Variants in DLG1 observed in about 807,000 individuals in gnomAD.
The protein encoded by DLG1 is disks large homolog 1.
Under a neutral mutation model 123.4 loss-of-function variants are expected in DLG1, and 42 were observed. The ratio of observed to expected loss-of-function variants is 0.34; its 90% CI spans 0.27 to 0.44. The LOEUF (loss-of-function observed/expected upper bound fraction) is 0.44. Ranked by LOEUF, DLG1 falls within the 20% of genes least tolerant of loss-of-function variation. DLG1 has a pLI of 1.00. For synonymous variants in DLG1, 317 were observed against 356.2 expected, an observed-to-expected ratio of 0.89 and a Z score of 1.24; for missense variants, 942 against 1,082.6, an observed-to-expected ratio of 0.87 and a Z score of 1.82.
At chr3:197,050,349 A>G (rs920845953) in intron 24 of DLG1, among the ~76,000 whole-genome samples, 1 of 150,718 alleles carries the variant, frequency 6.6e-6, no homozygotes, top group Non-Finnish European at 1.5e-5. Context: ...CCTGGGCGAC[A>G]GAGCCAGACT....
At chr3:197,206,852 A>T (rs1252819625) in intron 4 of DLG1, among the ~76,000 whole-genome samples, 3 of 152,160 alleles carry the variant, frequency 2.0e-5, no homozygotes, top group Non-Finnish European at 4.4e-5. Flanking sequence ...ATAAAAATAA[A>T]GAACGATATA....
At chr3:197,059,193 G>A (rs1322985383) in intron 23 of DLG1, among the ~76,000 whole-genome samples, 1 of 152,164 alleles carries the variant, frequency 6.6e-6, no homozygotes, top group Non-Finnish European at 1.5e-5. Context: ...CCAAAGTGGT[G>A]GGATTACAGA....
At chr3:197,184,586 G>A (rs188044056) in intron 5 of DLG1, among the ~76,000 whole-genome samples, 5 of 152,178 alleles carry the variant, frequency 3.3e-5, no homozygotes, top group African/African-American at 9.6e-5. Flanking sequence ...TTAACAACTG[G>A]GTCTCAAGGT....
chr3:197,135,020 T>A (rs909161981), intron 10 of DLG1, among the ~76,000 whole-genome samples: 1 of 152,228 alleles, frequency 6.6e-6, no homozygotes, highest in South Asian at 2.1e-4. Context: ...CCTAGAAGAC[T>A]GTTATACATG....
At chr3:197,157,912 T>C (rs1797054802) in intron 5 of DLG1, among the ~76,000 whole-genome samples, 1 of 152,130 alleles carries the variant, frequency 6.6e-6, no homozygotes, top group African/African-American at 2.4e-5. Context: ...CAATGGATCA[T>C]GATCTAAATG....
intron 6 of DLG1, among the ~76,000 whole-genome samples, chr3:197,146,316 T>C (rs1291030481): frequency 1.3e-5 from 2 of 152,092 alleles, no homozygotes; most frequent in African/African-American, 2.4e-5. Context: ...AAAATTCATA[T>C]GGAACCAAAA....
At chr3:197,244,374 G>A (rs1343880879) in intron 4 of DLG1, among the ~76,000 whole-genome samples, 1 of 152,204 alleles carries the variant, frequency 6.6e-6, no homozygotes, top group Non-Finnish European at 1.5e-5. Context: ...TTGGCCTGCT[G>A]TGCGCACAAG....
At chr3:197,105,435 C>T (rs943908960) in intron 13 of DLG1, among the ~76,000 whole-genome samples, 1 of 152,144 alleles carries the variant, frequency 6.6e-6, no homozygotes, top group Non-Finnish European at 1.5e-5. Context: ...AATTCAGTTC[C>T]AATTATTTTT....
At chr3:197,119,762 C>A (rs188336308) in intron 11 of DLG1, among the ~76,000 whole-genome samples, 2 of 152,232 alleles carry the variant, frequency 1.3e-5, no homozygotes, top group Admixed American at 1.3e-4. Flanking sequence ...GGATTACAGG[C>A]ATAAGCCACC....
intron 19 of DLG1, chr3:197,068,442 G>GT (rs1166193488): frequency 1.8e-5 from 21 of 1,136,472 alleles, no homozygotes; most frequent in Non-Finnish European, 2.7e-5. Flanking sequence ...ATGAATGACG[G>GT]TTAAAAGTAT....
At chr3:197,081,237 C>G in intron 16 of DLG1, 120 bp from the exon 17 acceptor site, 3 of 849,558 alleles carry the variant, frequency 3.5e-6, no homozygotes, top group Non-Finnish European at 5.3e-6. Context: ...CTTTAAGAGT[C>G]ATCTAGGTTT....
chr3:197,293,982 C>T (rs975795619), intron 3 of DLG1: 9 of 152,954 alleles, frequency 5.9e-5, no homozygotes, highest in African/African-American at 1.9e-4. Context: ...ACACAATGAA[C>T]TGGTTTAGCT....
intron 5 of DLG1, among the ~76,000 whole-genome samples, chr3:197,178,329 T>C (rs868469645): frequency 6.6e-6 from 1 of 152,162 alleles, no homozygotes; most frequent in Non-Finnish European, 1.5e-5. Flanking sequence ...TCAGACTGGA[T>C]ACGGAGCAAA....
Position 197,278,329 on chromosome 3 carries a change from G to C in DLG1, c.318+4350C>G, listed in dbSNP as rs1163561547. On this transcript the variant is annotated intron_variant, in intron 4 of 24. Coordinates refer to ENST00000667157, the MANE Select transcript of DLG1 (RefSeq NM_001366207.1). ...AAAAAAAAGAAATGATTTTAGCTGG[G>C]TGTGGTGGTGCACACATGTAGGCCC... Among the ~76,000 whole-genome samples, 19 of 147,692 alleles carry C rather than the reference G, an allele frequency of 1.3e-4. No homozygotes were observed. In the Admixed American group the frequency reaches 1.3e-3, roughly 10 times the overall value.
chr3:197,224,963 G>T (rs997331603), intron 4 of DLG1, among the ~76,000 whole-genome samples: 1 of 152,134 alleles, frequency 6.6e-6, no homozygotes, highest in African/African-American at 2.4e-5. Flanking sequence ...TGTTTTTATT[G>T]TTGCTGTTGT....
chr3:197,225,935 C>A (rs1263313229), intron 4 of DLG1: 1 of 152,564 alleles, frequency 6.6e-6, no homozygotes, highest in African/African-American at 2.4e-5. Flanking sequence ...AAAAGCAATC[C>A]AAGTTTTTGA....
intron 5 of DLG1, among the ~76,000 whole-genome samples, chr3:197,191,611 T>G (rs1179273708): frequency 6.6e-6 from 1 of 152,094 alleles, no homozygotes; most frequent in Non-Finnish European, 1.5e-5. Flanking sequence ...CCTGGGAGTG[T>G]TTTTGGACAA....
chr3:197,126,987 G>A (rs1295035208), intron 11 of DLG1, among the ~76,000 whole-genome samples: 1 of 152,072 alleles, frequency 6.6e-6, no homozygotes, highest in Non-Finnish European at 1.5e-5. Flanking sequence ...GTTATACCCA[G>A]TACGTTTAAG....
At chr3:197,298,637 CT>C, upstream of DLG1, 1 of 213,796 alleles carries the variant, frequency 4.7e-6, no homozygotes, top group Non-Finnish European at 9.2e-6. Context: ...GAAAAGCCGC[CT>C]TAAGGAGGAG....
Sources: allele counts gnomAD v4.1 joint callset (sites outside exome capture counted in the v4.1 genomes callset), GRCh38; gene constraint gnomAD v4.1.1; transcripts MANE v1.5; gene names NCBI Gene and HGNC (gene_info 2026-07-23, HGNC 2026-07-21).